SLIT3: variants seen among roughly 807,000 people sequenced by gnomAD.
SLIT3 encodes the protein slit guidance ligand 3.
SLIT3 carries 68 observed loss-of-function variants against 184.0 expected under a neutral mutation model. The observed-to-expected ratio is 0.37, with a 90% CI of 0.30 to 0.45. The LOEUF (loss-of-function observed/expected upper bound fraction) is 0.45, where lower values mean the gene tolerates loss of function less well. Among genes scored for constraint, SLIT3 ranks in the 20% least tolerant of loss-of-function variants. SLIT3 has a pLI of 1.00. For synonymous variants in SLIT3, 831 were observed against 828.6 expected (o/e 1.00, Z -0.05); for missense variants, 1,707 against 2,026.0 (o/e 0.84, Z 3.02).
chr5:168,945,601 G>T (rs1159912099), intron 4 of SLIT3, among the ~76,000 whole-genome samples: 1 of 152,206 alleles, frequency 6.6e-6, no homozygotes, highest in African/African-American at 2.4e-5. Flanking sequence ...CAGAGGTTCT[G>T]TGTCTCCGCC....
At chr5:168,759,847 C>A (rs1280830037) in intron 16 of SLIT3, among the ~76,000 whole-genome samples, 3 of 152,182 alleles carry the variant, frequency 2.0e-5, no homozygotes, top group African/African-American at 4.8e-5. Flanking sequence ...TCGAGGCACA[C>A]CTGAACTCTG....
At chr5:169,147,158 T>G (rs2113358905) in intron 4 of SLIT3, among the ~76,000 whole-genome samples, 1 of 152,340 alleles carries the variant, frequency 6.6e-6, no homozygotes, top group South Asian at 2.1e-4. Flanking sequence ...GATACATCTT[T>G]GGGTAGATAC....
chr5:169,121,284 GACTT>G (rs1242319307), intron 4 of SLIT3, among the ~76,000 whole-genome samples: 1 of 152,130 alleles, frequency 6.6e-6, no homozygotes, highest in African/African-American at 2.4e-5. Context: ...AGTCAAAACT[GACTT>G]AATCTCTACT....
chr5:169,251,309 G>T, intron 2 of SLIT3, 79 bp downstream of exon 2: 2 of 964,812 alleles, frequency 2.1e-6, no homozygotes, highest in Non-Finnish European at 3.4e-6. Context: ...GGAGTGTGAT[G>T]TCAGGGGCAG....
At chr5:169,149,530 C>CA in intron 4 of SLIT3, among the ~76,000 whole-genome samples, 1 of 152,164 alleles carries the variant, frequency 6.6e-6, no homozygotes, top group South Asian at 2.1e-4. Flanking sequence ...TAGTGGCTAT[C>CA]AGCACAAGTC....
chr5:168,836,092 G>T (rs999998197), intron 6 of SLIT3, among the ~76,000 whole-genome samples: 3 of 152,146 alleles, frequency 2.0e-5, no homozygotes, highest in Non-Finnish European at 4.4e-5. Context: ...AAGCCAGTGG[G>T]TAGGAGAGGG....
chr5:169,238,869 T>C (rs916003062), intron 3 of SLIT3, among the ~76,000 whole-genome samples: 3 of 152,162 alleles, frequency 2.0e-5, no homozygotes, highest in Non-Finnish European at 4.4e-5. Context: ...TTGGATCTGA[T>C]AGAACTCTCT....
chr5:168,700,565 C>A lies in SLIT3; in HGVS notation c.2942+17G>T. 6.3e-7 allele frequency: 1 copy of A among 1,579,680 alleles called. No homozygotes were observed. Among genetic ancestry groups the A allele is most frequent in the Non-Finnish European group, 8.7e-7 (1 of 1,148,776 alleles). Reference sequence around the variant, plus strand: ...AGCAAACTAATACAGTGAGGGAGGCCAGGGGTGAACTGTTACCTGAACCCA... The same window carrying A: ...AGCAAACTAATACAGTGAGGGAGGCAAGGGGTGAACTGTTACCTGAACCCA... On this transcript the variant is annotated intron_variant, in intron 27 of 35. Coordinates refer to ENST00000519560, the MANE Select transcript of SLIT3 (RefSeq NM_003062.4).
At chr5:169,007,004 G>A (rs1181984830) in intron 4 of SLIT3, among the ~76,000 whole-genome samples, 1 of 150,614 alleles carries the variant, frequency 6.6e-6, no homozygotes, top group Non-Finnish European at 1.5e-5. Context: ...ATTTCAAATT[G>A]TAATCCCCAG....
At chr5:168,708,958 G>A (rs183339904) in intron 25 of SLIT3, among the ~76,000 whole-genome samples, 136 of 152,308 alleles carry the variant, frequency 8.9e-4, no homozygotes, top group Middle Eastern at 3.4e-3. Flanking sequence ...CATTAGAAGA[G>A]GAAGACTATC....
At chr5:168,761,086 A>G in intron 15 of SLIT3, 150 bp from the exon 16 acceptor site, 1 of 646,704 alleles carries the variant, frequency 1.5e-6, no homozygotes, top group Non-Finnish European at 2.8e-6. Context: ...CCATCAACAG[A>G]GGGGCCCAGC....
chr5:168,667,082 G>A (rs534458914), intron 35 of SLIT3, among the ~76,000 whole-genome samples: 13 of 152,320 alleles, frequency 8.5e-5, no homozygotes, highest in Admixed American at 5.2e-4. Context: ...CAAAAAGCAG[G>A]AGATTTCACC....
At chr5:168,933,880 G>A (rs1350166903) in intron 4 of SLIT3, among the ~76,000 whole-genome samples, 1 of 152,130 alleles carries the variant, frequency 6.6e-6, no homozygotes, top group Non-Finnish European at 1.5e-5. Context: ...GCCTGGCTAG[G>A]AAGGGCTGAG....
chr5:168,901,778 G>A (rs980081366), intron 4 of SLIT3, among the ~76,000 whole-genome samples: 3 of 152,218 alleles, frequency 2.0e-5, no homozygotes, highest in African/African-American at 7.2e-5. Context: ...GGCAGGGCGT[G>A]AGGGAAGTCT....
At chr5:168,731,964 A>AG (rs1387763284) in intron 20 of SLIT3, among the ~76,000 whole-genome samples, 2 of 152,118 alleles carry the variant, frequency 1.3e-5, no homozygotes, top group African/African-American at 4.8e-5. Context: ...ATCAGCAAAG[A>AG]GAAACAAAAG....
At chr5:168,808,315 C>A (rs866906576) in intron 8 of SLIT3, among the ~76,000 whole-genome samples, 10 of 152,172 alleles carry the variant, frequency 6.6e-5, no homozygotes, top group Non-Finnish European at 1.0e-4. Context: ...GTAAGAGACT[C>A]AGCTCAGGAA....
At chr5:169,023,797 G>A (rs1259056898) in intron 4 of SLIT3, 1 of 152,192 alleles carries the variant, frequency 6.6e-6, no homozygotes, top group Non-Finnish European at 1.5e-5. Flanking sequence ...GTCAGGGGTT[G>A]AGTTTTATAA....
In SLIT3 at chr5:168,911,996, T is replaced by G. The variant is rs532704590; in HGVS notation, c.414-28660A>C. Among the ~76,000 whole-genome samples, 4 of 152,348 alleles carry G rather than the reference T, an allele frequency of 2.6e-5. No homozygotes were observed. The South Asian group carries it at 8.3e-4, about 32-fold the overall frequency. On this transcript the variant is annotated intron_variant, in intron 4 of 35. Transcript: ENST00000519560. ...ACCTCTGAACACCACGAGCTTGAACTGCACTGGTCCACTCATATGTGGATT... is the reference window on the plus strand; with the variant it reads ...ACCTCTGAACACCACGAGCTTGAACGGCACTGGTCCACTCATATGTGGATT...
chr5:168,939,742 C>A (rs761912519), intron 4 of SLIT3, among the ~76,000 whole-genome samples: 6 of 152,198 alleles, frequency 3.9e-5, no homozygotes, highest in Non-Finnish European at 7.3e-5. Flanking sequence ...GACTTTGGTA[C>A]ATGAAATGGA....
Sources: allele counts gnomAD v4.1 joint callset (sites outside exome capture counted in the v4.1 genomes callset), GRCh38; gene constraint gnomAD v4.1.1; transcripts MANE v1.5; gene names NCBI Gene and HGNC (gene_info 2026-07-23, HGNC 2026-07-21).